The following SMURF2 variants were observed in gnomAD, a reference collection of about 807,000 sequenced individuals.
SMURF2 encodes the protein SMAD specific E3 ubiquitin protein ligase 2.
In SMURF2, 48 loss-of-function variants were observed where a neutral mutation model predicts 109.6. That is an observed-to-expected ratio of 0.44 (90% CI 0.35 to 0.56). The LOEUF (loss-of-function observed/expected upper bound fraction) is 0.56. SMURF2 is among the 20% of genes least tolerant of loss of function. The pLI, the probability that SMURF2 is intolerant of heterozygous loss-of-function variation, is 0.01. For synonymous variants in SMURF2, 288 were observed against 317.1 expected (o/e 0.91, Z 0.97); for missense variants, 575 against 909.0 (o/e 0.63, Z 4.72).
intron 6 of SMURF2, among the ~76,000 whole-genome samples, chr17:64,584,361 C>CTTTTTTTTTTTTTTTTTTTTT (rs372682588): frequency 1.8e-5 from 2 of 112,708 alleles, no homozygotes; most frequent in African/African-American, 3.7e-5. Context: ...CTTTTTTTTT[C>CTTTTTTTTTTTTTTTTTTTTT]TTTTTTTTTT....
chr17:64,661,289 G>A (rs546653389), intron 1 of SMURF2, among the ~76,000 whole-genome samples: 83 of 152,130 alleles, frequency 5.5e-4, no homozygotes, highest in African/African-American at 1.2e-3. Flanking sequence ...AAGGTGTGTG[G>A]CCCGGGCAGC....
chr17:64,591,249 C>A, intron 4 of SMURF2, 100 bp from the exon 5 acceptor site: 1 of 841,932 alleles, frequency 1.2e-6, no homozygotes, highest in South Asian at 1.7e-5. Flanking sequence ...CATTAGAAAT[C>A]AAACCTATCA....
At chr17:64,659,948 T>C (rs1238503166) in intron 1 of SMURF2, among the ~76,000 whole-genome samples, 1 of 152,208 alleles carries the variant, frequency 6.6e-6, no homozygotes, top group African/African-American at 2.4e-5. Context: ...GTTTTTACTA[T>C]TAAGAGGACA....
At chr17:64,631,744 T>C (rs1465254898) in intron 1 of SMURF2, among the ~76,000 whole-genome samples, 1 of 152,204 alleles carries the variant, frequency 6.6e-6, no homozygotes, top group Non-Finnish European at 1.5e-5. Context: ...ACACTTTTTA[T>C]TGGATGTAAG....
intron 7 of SMURF2, 125 bp downstream of exon 7, chr17:64,583,336 A>G: frequency 1.4e-6 from 1 of 709,658 alleles, no homozygotes; most frequent in South Asian, 1.7e-5. Flanking sequence ...CACCTGTTAT[A>G]AGATCTACTG....
intron 1 of SMURF2, among the ~76,000 whole-genome samples, chr17:64,607,801 T>A (rs1267263294): frequency 6.6e-6 from 1 of 151,458 alleles, no homozygotes; most frequent in East Asian, 1.9e-4. Flanking sequence ...TGAAACTGTG[T>A]CTCTAGTAAA....
intron 1 of SMURF2, among the ~76,000 whole-genome samples, chr17:64,632,235 A>G (rs1555691718): frequency 6.6e-6 from 1 of 152,134 alleles, no homozygotes; most frequent in African/African-American, 2.4e-5. Context: ...CTGGGATTAC[A>G]GGCATAAGCC....
At chr17:64,592,648 C>T (rs141120242) in intron 4 of SMURF2, among the ~76,000 whole-genome samples, 17 of 152,102 alleles carry the variant, frequency 1.1e-4, no homozygotes, top group Non-Finnish European at 2.2e-4. Context: ...CGATGACTAA[C>T]GGTATTTTTT....
At chr17:64,546,575 A>C (rs377573038) in intron 17 of SMURF2, among the ~76,000 whole-genome samples, 3 of 152,238 alleles carry the variant, frequency 2.0e-5, no homozygotes, top group South Asian at 2.1e-4. Flanking sequence ...AAAAAACTCA[A>C]GATTGAAATC....
At position 64,545,191 on chromosome 17, in the gene SMURF2, C is replaced by T. The variant is rs9303474; in HGVS notation, c.*657G>A. On this transcript the variant is annotated 3_prime_UTR_variant, in exon 19 of 19. Coordinates refer to ENST00000262435, the MANE Select transcript of SMURF2 (RefSeq NM_022739.4). ...AGGAATTTGACAACCAAAATTATATCGCTGTATTCCAGGAAATCCGTTCTT... is the reference window on the plus strand; with the variant it reads ...AGGAATTTGACAACCAAAATTATATTGCTGTATTCCAGGAAATCCGTTCTT... 1.3e-5 allele frequency: 2 copies of T among 152,180 alleles called. No individual in the cohort carries two copies. The highest frequency in any genetic ancestry group is 1.9e-4 in the East Asian group (1 of 5,168). 9.4% of individuals were successfully genotyped at this position (152,180 alleles called of 1,614,324 possible).
intron 3 of SMURF2, among the ~76,000 whole-genome samples, chr17:64,597,665 C>T (rs185988267): frequency 1.1e-3 from 159 of 150,838 alleles, no homozygotes; most frequent in African/African-American, 3.7e-3. Context: ...CCCAGCTACT[C>T]GGGAGGCTGA....
Position 64,542,490 on chromosome 17 carries a change from TG to T in SMURF2, c.*3357del, listed in dbSNP as rs1194322642. The T allele has an allele frequency of 6.6e-6, 1 of 152,218 alleles. No individual in the cohort carries two copies. The highest frequency in any genetic ancestry group is 6.5e-5 in the Admixed American group (1 of 15,280). The allele number at this position is 152,218 out of a possible 1,614,324, so 9.4% of individuals were successfully genotyped here. A position where few individuals can be genotyped will look rare whatever the true frequency, so the allele number is the denominator to read the frequency against. ...AAATACAATGAAAATGATAAAACTT[TG>T]TTTTTAAAGTCAGTCTGAGAGAAGA... On this transcript the variant is annotated 3_prime_UTR_variant, in exon 19 of 19. Transcript: ENST00000262435.
intron 2 of SMURF2, among the ~76,000 whole-genome samples, chr17:64,599,612 A>C (rs1488176077): frequency 6.6e-6 from 1 of 152,224 alleles, no homozygotes; most frequent in Admixed American, 6.5e-5. Flanking sequence ...GATCAGCGGC[A>C]GCATTAGATG....
chr17:64,598,065 A>C (rs1404656938), intron 3 of SMURF2, among the ~76,000 whole-genome samples: 2 of 152,144 alleles, frequency 1.3e-5, no homozygotes, highest in African/African-American at 4.8e-5. Flanking sequence ...ATTCAGTGCA[A>C]CCCAAATCCT....
intron 1 of SMURF2, among the ~76,000 whole-genome samples, chr17:64,621,495 G>A (rs1047588943): frequency 4.6e-5 from 7 of 152,062 alleles, no homozygotes; most frequent in African/African-American, 1.4e-4. Flanking sequence ...CAGGAGAATC[G>A]CTTGAATCCA....
chr17:64,613,046 A>G (rs1461962365), intron 1 of SMURF2, among the ~76,000 whole-genome samples: 1 of 152,252 alleles, frequency 6.6e-6, no homozygotes, highest in Non-Finnish European at 1.5e-5. Flanking sequence ...TCTGATTTGT[A>G]ACTTTTAAAA....
chr17:64,659,160 AGT>A (rs772284521), intron 1 of SMURF2, among the ~76,000 whole-genome samples: 13 of 151,462 alleles, frequency 8.6e-5, no homozygotes, highest in Non-Finnish European at 1.5e-4. Context: ...TGAGTGTGTG[AGT>A]GTGTGTGTGT....
rs1969566738 is a variant in SMURF2, at chr17:64,580,777, T to TA, written c.772+11dup. The stretch of plus-strand genomic sequence containing the variant: ...TAAACCACATTTTATTTTTCCTTTG[T>TA]AGTTGTCATACCATAGCCTTCTGGT... On this transcript the variant is annotated intron_variant, in intron 8 of 18. Coordinates refer to ENST00000262435, the MANE Select transcript of SMURF2 (RefSeq NM_022739.4). 2 of 1,611,354 alleles carry TA rather than the reference T, an allele frequency of 1.2e-6. No individual in the cohort carries two copies. Among genetic ancestry groups the TA allele is most frequent in the Non-Finnish European group, 1.7e-6 (2 of 1,177,730 alleles).
At chr17:64,622,345 T>C (rs1397940098) in intron 1 of SMURF2, among the ~76,000 whole-genome samples, 1 of 152,178 alleles carries the variant, frequency 6.6e-6, no homozygotes, top group Non-Finnish European at 1.5e-5. Flanking sequence ...AACCAATACA[T>C]TATTATACAT....
Sources: allele counts gnomAD v4.1 joint callset (sites outside exome capture counted in the v4.1 genomes callset), GRCh38; gene constraint gnomAD v4.1.1; transcripts MANE v1.5; gene names NCBI Gene and HGNC (gene_info 2026-07-23, HGNC 2026-07-21).